Variants in NBPF4 observed in about 807,000 individuals in gnomAD.
NBPF4 encodes the protein NBPF family member NBPF4.
A neutral mutation model predicts 21.1 loss-of-function variants in NBPF4; 11 were observed. The observed-to-expected ratio is 0.52, with a 90% CI of 0.33 to 0.86. The LOEUF (loss-of-function observed/expected upper bound fraction) is 0.86, where lower values mean the gene tolerates loss of function less well. Ranked by LOEUF, NBPF4 falls within the 40% of genes least tolerant of loss-of-function variation. The probability of loss-of-function intolerance (pLI) is 0.03; values close to 1 mark genes in which losing one functional copy is unlikely to be tolerated. For synonymous variants in NBPF4, 47 were observed against 106.4 expected, an observed-to-expected ratio of 0.44 and a Z score of 3.43; for missense variants, 88 against 265.3, an observed-to-expected ratio of 0.33 and a Z score of 4.64.
intron 14 of NBPF4, among the ~76,000 whole-genome samples, chr1:108,224,836 G>A (rs1649421235): frequency 1.3e-5 from 2 of 150,448 alleles, no homozygotes. Context: ...TTTTATGCCA[G>A]TGTGAAGAGA....
At position 108,226,823 on chromosome 1, in the gene NBPF4, T is replaced by C; in HGVS notation, c.1731A>G (p.Ser577=). The C allele has an allele frequency of 2.8e-6, 4 of 1,418,368 alleles. No individual in the cohort carries two copies. The highest frequency in any genetic ancestry group is 2.9e-6 in the Non-Finnish European group (3 of 1,051,870). The allele number at this position is 1,418,368 out of a possible 1,614,324, so 87.9% of individuals were successfully genotyped here. The part of the protein sequence containing the change: ...PQLEDDALEG[S]ASNTQGRQVT... ...CTTGACGCCCTTGTGTGTTGCTTGC[T>C]GAGCCTTCAAGTGCATCATCTTCCA... Residue 577 remains serine (S), a synonymous_variant, in exon 14 of 15, where the codon TCA becomes TCG. Transcript: ENST00000415641.
At chr1:108,244,903 T>TAG (rs1318217386), upstream of NBPF4, among the ~76,000 whole-genome samples, 229 of 14,694 alleles carry the variant, frequency 0.016, 3 homozygotes, top group African/African-American at 0.064. Flanking sequence ...TTGTTGGAGA[T>TAG]ATATATATAT....
chr1:108,244,919 T>TATATATAG (rs1177954941), upstream of NBPF4, among the ~76,000 whole-genome samples: 3 of 42,396 alleles, frequency 7.1e-5, no homozygotes, highest in Non-Finnish European at 1.3e-4. Flanking sequence ...TATATATATA[T>TATATATAG]ATATATATAT....
At chr1:108,241,339 TACAC>T (rs929952048) in intron 3 of NBPF4, among the ~76,000 whole-genome samples, 175 bp from the exon 4 acceptor site, 5 of 110,270 alleles carry the variant, frequency 4.5e-5, no homozygotes, top group African/African-American at 1.3e-4. Flanking sequence ...TATATATATA[TACAC>T]ACACACACAC....
At chr1:108,260,198 C>T in the NBPF4 span, among the ~76,000 whole-genome samples, 1 of 7,760 alleles carries the variant, frequency 1.3e-4, no homozygotes, top group Admixed American at 1.1e-3. Flanking sequence ...CTCCATTCTG[C>T]CCCTGCCTAT....
the NBPF4 span, among the ~76,000 whole-genome samples, chr1:108,264,877 G>T: frequency 2.5e-5 from 3 of 119,474 alleles, no homozygotes; most frequent in African/African-American, 8.8e-5. Flanking sequence ...GAACCTCTGG[G>T]GTGCAGCAAA....
chr1:108,264,096 T>C, the NBPF4 span, among the ~76,000 whole-genome samples: 5 of 120,368 alleles, frequency 4.2e-5, no homozygotes, highest in Non-Finnish European at 8.3e-5. Context: ...GAATGGCAAG[T>C]TGGATACAAA....
upstream of NBPF4, among the ~76,000 whole-genome samples, chr1:108,244,917 T>C (rs1458048254): frequency 5.0e-5 from 2 of 40,358 alleles, no homozygotes; most frequent in African/African-American, 2.0e-4. Flanking sequence ...TATATATATA[T>C]ATATATATAT....
At position 108,222,720 on chromosome 1, in the gene NBPF4, C is replaced by T. The variant is rs1649344273; in HGVS notation, c.*985G>A. 6.6e-6 allele frequency among the ~76,000 whole-genome samples: 1 copy of T among 152,154 alleles called. No homozygotes were observed. Among genetic ancestry groups the T allele is most frequent in the Non-Finnish European group, 1.5e-5 (1 of 68,034 alleles). On this transcript the variant is annotated 3_prime_UTR_variant, in exon 15 of 15. Transcript: ENST00000415641. ...AGATAGACAATTTTCAATGTACAAA[C>T]TTAAATATAATAACTGACACAGACG...
At chr1:108,224,546 G>T (rs893193982) in intron 14 of NBPF4, among the ~76,000 whole-genome samples, 2 of 145,350 alleles carry the variant, frequency 1.4e-5, no homozygotes, top group African/African-American at 5.2e-5. Context: ...TTGTCCAAAG[G>T]TCATCAGGAA....
Position 108,222,642 on chromosome 1 carries a change from A to T in NBPF4, c.*1063T>A, listed in dbSNP as rs1304236848. 1.3e-5 allele frequency among the ~76,000 whole-genome samples: 2 copies of T among 152,196 alleles called. No individual in the cohort carries two copies. Among genetic ancestry groups the T allele is most frequent in the African/African-American group, 4.8e-5 (2 of 41,464 alleles). ...ATGAAAGTTAAAATTTGGGCAGGGAATGATCTTTTTTACAAAGAATGCCAG... is the reference window on the plus strand; with the variant it reads ...ATGAAAGTTAAAATTTGGGCAGGGATTGATCTTTTTTACAAAGAATGCCAG... On this transcript the variant is annotated 3_prime_UTR_variant, in exon 15 of 15. Coordinates refer to ENST00000415641, the MANE Select transcript of NBPF4 (RefSeq NM_001143989.3).
At chr1:108,257,849 A>G in the NBPF4 span, among the ~76,000 whole-genome samples, 1 of 136,618 alleles carries the variant, frequency 7.3e-6, no homozygotes, top group Non-Finnish European at 1.5e-5. Flanking sequence ...CCTGGGTTCA[A>G]GTGATTCTTG....
chr1:108,244,943 T>C (rs1477570529), upstream of NBPF4, among the ~76,000 whole-genome samples: 2 of 37,444 alleles, frequency 5.3e-5, no homozygotes, highest in African/African-American at 1.9e-4. Flanking sequence ...TATATATATA[T>C]ATATACACAC....
upstream of NBPF4, among the ~76,000 whole-genome samples, chr1:108,247,517 A>G (rs1259202245): frequency 6.6e-6 from 1 of 152,252 alleles, no homozygotes; most frequent in African/African-American, 2.4e-5. Flanking sequence ...TGCTGATGAC[A>G]AAACCAAGGC....
At chr1:108,256,589 TCTCC>T in the NBPF4 span, among the ~76,000 whole-genome samples, 1,250 of 76,636 alleles carry the variant, frequency 0.016, 2 homozygotes, top group Non-Finnish European at 0.018. Context: ...TCCCTCCCTC[TCTCC>T]CTCCCTCCCT....
the NBPF4 span, among the ~76,000 whole-genome samples, chr1:108,268,524 T>C: frequency 6.9e-6 from 1 of 145,676 alleles, no homozygotes; most frequent in African/African-American, 2.6e-5. Flanking sequence ...GGATCTTCTC[T>C]ACATTTTAAA....
At chr1:108,246,393 G>T (rs1197078686), upstream of NBPF4, among the ~76,000 whole-genome samples, 1 of 120,176 alleles carries the variant, frequency 8.3e-6, no homozygotes, top group Non-Finnish European at 1.8e-5. Context: ...CACTGGTTTA[G>T]GTTTTATGCC....
At chr1:108,247,886 C>T (rs1333762547), upstream of NBPF4, among the ~76,000 whole-genome samples, 1 of 141,510 alleles carries the variant, frequency 7.1e-6, no homozygotes, top group African/African-American at 2.7e-5. Flanking sequence ...GGCTGGAGTG[C>T]TCACTGCATA....
intron 3 of NBPF4, 127 bp from the exon 4 acceptor site, chr1:108,241,291 G>A (rs1464791954): frequency 2.4e-6 from 1 of 419,774 alleles, no homozygotes; most frequent in Non-Finnish European, 4.3e-6. Context: ...GAACATGTTT[G>A]GGGAAATGTC....
Sources: gnomAD v4.1 joint callset for allele counts (sites outside exome capture counted in the v4.1 genomes callset) on GRCh38, gnomAD v4.1.1 for gene constraint, MANE v1.5 for transcripts, NCBI Gene and HGNC (gene_info 2026-07-23, HGNC 2026-07-21) for gene names.